The following C15orf40 variants were observed in gnomAD, a reference collection of about 807,000 sequenced individuals.
C15orf40 encodes the protein UPF0235 protein C15orf40.
In C15orf40, 9 loss-of-function variants were observed where a neutral mutation model predicts 13.9. That is an observed-to-expected ratio of 0.65 (90% CI 0.39 to 1.13). C15orf40 has a LOEUF of 1.13. Ranked by LOEUF, C15orf40 falls within the 50% of genes most tolerant of loss-of-function variation. The pLI is 0.01. For synonymous variants in C15orf40, 95 were observed against 69.2 expected (o/e 1.37, Z -1.85); for missense variants, 225 against 188.5 (o/e 1.19, Z -1.13).
chr15:82,990,690 G>T, downstream of C15orf40: 1 of 1,497,582 alleles, frequency 6.7e-7, no homozygotes, highest in South Asian at 1.2e-5. Context: ...GTCAGTTTGT[G>T]TCTTGATCTG....
rs1047528724 is a variant in C15orf40, at chr15:83,005,122, G to A, written c.*475C>T. 6 of 1,126,442 alleles carry A rather than the reference G, an allele frequency of 5.3e-6. No homozygotes were observed. In the Admixed American group the frequency reaches 1.7e-4, roughly 32 times the overall value. 69.8% of individuals were successfully genotyped at this position (1,126,442 alleles called of 1,614,324 possible). A position where few individuals can be genotyped will look rare whatever the true frequency, so the allele number is the denominator to read the frequency against. ...TTTGGGGTTTGGGATTTTAGAACCT[G>A]ATGCAATGTATAGCACTTTTTAAAT... On this transcript the variant is annotated 3_prime_UTR_variant, in exon 4 of 4. Coordinates refer to ENST00000304177, the MANE Select transcript of C15orf40 (RefSeq NM_144597.3).
At chr15:82,989,087 CAAG>C, downstream of C15orf40, 2 of 1,613,738 alleles carry the variant, frequency 1.2e-6, no homozygotes, top group Non-Finnish European at 1.7e-6. Flanking sequence ...CAGAAAATGA[CAAG>C]GAGTATCAGG....
In C15orf40 at chr15:83,004,999, C is replaced by T. The variant is rs1567092363; in HGVS notation, c.*598G>A. 1.6e-6 allele frequency: 2 copies of T among 1,263,670 alleles called. No homozygotes were observed. Among genetic ancestry groups the T allele is most frequent in the African/African-American group, 1.5e-5 (1 of 64,810 alleles). The allele number at this position is 1,263,670 out of a possible 1,614,324, so 78.3% of individuals were successfully genotyped here. On this transcript the variant is annotated 3_prime_UTR_variant, in exon 4 of 4. Coordinates refer to ENST00000304177, the MANE Select transcript of C15orf40 (RefSeq NM_144597.3). ...TGGATATAGGAAATCAAAGGCCCCC[C>T]AACAGAATGAAAGGTGTTAAATCAG...
chr15:83,007,631 T>G (rs1242423186), intron 3 of C15orf40, among the ~76,000 whole-genome samples: 1 of 152,104 alleles, frequency 6.6e-6, no homozygotes, highest in Non-Finnish European at 1.5e-5. Flanking sequence ...TGGTTCACGT[T>G]TGTAATCCCA....
At chr15:82,989,597 C>T (rs987273828), downstream of C15orf40, among the ~76,000 whole-genome samples, 27 of 152,032 alleles carry the variant, frequency 1.8e-4, no homozygotes, top group African/African-American at 6.0e-4. Flanking sequence ...ATTACCATAC[C>T]ATTTTTGTAC....
rs2151282333 is a variant in C15orf40 at position 83,002,039 on chromosome 15, C to G, written c.*3558G>C. 1 of 152,358 alleles carries G rather than the reference C, an allele frequency of 6.6e-6. No individual in the cohort carries two copies. The highest frequency in any genetic ancestry group is 2.1e-4 in the South Asian group (1 of 4,822). The allele number at this position is 152,358 out of a possible 1,614,324, so 9.4% of individuals were successfully genotyped here. A position where few individuals can be genotyped will look rare whatever the true frequency, so the allele number is the denominator to read the frequency against. ...TCTCCTGCTTCAGCCTCCCAAGTAG[C>G]TGAGATTACAGTCATGTACCACCAC... On this transcript the variant is annotated 3_prime_UTR_variant, in exon 4 of 4. Coordinates refer to ENST00000304177, the MANE Select transcript of C15orf40 (RefSeq NM_144597.3).
downstream of C15orf40, chr15:82,989,992 C>G (rs767086479): frequency 5.6e-6 from 9 of 1,600,972 alleles, no homozygotes; most frequent in Non-Finnish European, 7.7e-6. Flanking sequence ...ACCCGCAACA[C>G]AGACAAGAAC....
rs1387078230 is a variant in C15orf40 at position 82,999,457 on chromosome 15, A to T, written c.*6140T>A. 2 of 152,048 alleles carry T rather than the reference A, an allele frequency of 1.3e-5. No homozygotes were observed. Among genetic ancestry groups the T allele is most frequent in the African/African-American group, 2.4e-5 (1 of 41,362 alleles). 9.4% of individuals were successfully genotyped at this position (152,048 alleles called of 1,614,324 possible). On this transcript the variant is annotated 3_prime_UTR_variant, in exon 4 of 4. Coordinates refer to ENST00000304177, the MANE Select transcript of C15orf40 (RefSeq NM_144597.3). ...ACTATCCTCCTACCTCAGCTTCCCA[A>T]AGTGCTGGGATTACAAGCGTGAGCC...
At chr15:82,990,134 C>T (rs1478963978), downstream of C15orf40, 9 of 658,324 alleles carry the variant, frequency 1.4e-5, no homozygotes, top group Admixed American at 3.9e-4. Context: ...TGGGTGTCTT[C>T]TGTTGGTCAT....
intron 1 of C15orf40, 63 bp downstream of exon 1, chr15:83,011,434 C>A: frequency 6.6e-7 from 1 of 1,512,418 alleles, no homozygotes; most frequent in Non-Finnish European, 8.9e-7. Context: ...CCCGCTTCTC[C>A]CGCGCTCTTC....
chr15:82,996,799 A>G lies in C15orf40; in HGVS notation c.*8798T>C, dbSNP rs1451043592. On this transcript the variant is annotated 3_prime_UTR_variant, in exon 4 of 4. Coordinates refer to ENST00000304177, the MANE Select transcript of C15orf40 (RefSeq NM_144597.3). ...GGCGGATGGATCGCCTGAGGTCAGG[A>G]GTCTGAGACCAGCCTGGCCAACATG... 2.0e-5 allele frequency: 3 copies of G among 151,702 alleles called. No individual in the cohort carries two copies. The highest frequency in any genetic ancestry group is 2.9e-5 in the Non-Finnish European group (2 of 67,938). The allele number at this position is 151,702 out of a possible 1,614,324, so 9.4% of individuals were successfully genotyped here.
downstream of C15orf40, among the ~76,000 whole-genome samples, chr15:82,991,753 A>G (rs1490655817): frequency 6.6e-6 from 1 of 152,192 alleles, no homozygotes; most frequent in African/African-American, 2.4e-5. Flanking sequence ...CTAAGATGCA[A>G]ATACAATTTT....
At chr15:83,010,064 T>G (rs1159925033) in intron 2 of C15orf40, among the ~76,000 whole-genome samples, 173 bp downstream of exon 2, 1 of 152,224 alleles carries the variant, frequency 6.6e-6, no homozygotes, top group East Asian at 1.9e-4. Context: ...TAAAGATATA[T>G]TCACTTTAAG....
chr15:82,991,669 T>C (rs2030866325), downstream of C15orf40, among the ~76,000 whole-genome samples: 1 of 152,210 alleles, frequency 6.6e-6, no homozygotes, highest in Non-Finnish European at 1.5e-5. Flanking sequence ...CTCCCTTTTA[T>C]TCTCCCTTCC....
chr15:83,003,811 CGT>C lies in C15orf40; in HGVS notation c.*1784_*1785del, dbSNP rs1258766351. On this transcript the variant is annotated 3_prime_UTR_variant, in exon 4 of 4. Coordinates refer to ENST00000304177, the MANE Select transcript of C15orf40 (RefSeq NM_144597.3). ...CGCCGAGGCTGGAGTGCAGTGGCAC[CGT>C]GTGGGCTCACTGCAACTTCCGTCTC... The C allele has an allele frequency of 6.6e-6, 1 of 152,092 alleles. No homozygotes were observed. The highest frequency in any genetic ancestry group is 2.4e-5 in the African/African-American group (1 of 41,408). The allele number at this position is 152,092 out of a possible 1,614,324, so 9.4% of individuals were successfully genotyped here.
chr15:83,007,685 G>T (rs1322538694), intron 3 of C15orf40, among the ~76,000 whole-genome samples: 3 of 152,090 alleles, frequency 2.0e-5, no homozygotes, highest in Non-Finnish European at 2.9e-5. Context: ...GAGGTCAGGA[G>T]TTCAAGACCA....
Position 83,004,554 on chromosome 15 carries a change from CTTT to C in C15orf40, c.*1040_*1042del, listed in dbSNP as rs1057130143. On this transcript the variant is annotated 3_prime_UTR_variant, in exon 4 of 4. Coordinates refer to ENST00000304177, the MANE Select transcript of C15orf40 (RefSeq NM_144597.3). Reference sequence around the variant, plus strand: ...AAATAGCTTCCAAGTCCTCTTTCTTCTTTTAAGGATCTTTGGAGATTCATAAAA... The same window carrying C: ...AAATAGCTTCCAAGTCCTCTTTCTTCTAAGGATCTTTGGAGATTCATAAAA... The C allele has an allele frequency of 2.3e-6, 2 of 856,654 alleles. No individual in the cohort carries two copies. Among genetic ancestry groups the C allele is most frequent in the Non-Finnish European group, 2.8e-6 (2 of 712,962 alleles). The allele number at this position is 856,654 out of a possible 1,614,324, so 53.1% of individuals were successfully genotyped here. A position where few individuals can be genotyped will look rare whatever the true frequency, so the allele number is the denominator to read the frequency against.
rs1240920888 is a variant in C15orf40 at position 82,995,960 on chromosome 15, C to T, written c.*9637G>A. The T allele has an allele frequency of 6.6e-6, 1 of 152,266 alleles. No homozygotes were observed. The highest frequency in any genetic ancestry group is 2.4e-5 in the African/African-American group (1 of 41,446). The allele number at this position is 152,266 out of a possible 1,614,324, so 9.4% of individuals were successfully genotyped here. ...CTGCTTAGGTGCAAGAAGGACAAGTCGCATAATTTTCACCAGTGTCTTCAT... is the reference window on the plus strand; with the variant it reads ...CTGCTTAGGTGCAAGAAGGACAAGTTGCATAATTTTCACCAGTGTCTTCAT... On this transcript the variant is annotated 3_prime_UTR_variant, in exon 4 of 4. Transcript: ENST00000304177.
At position 83,005,762 on chromosome 15, in the gene C15orf40, C is replaced by T. The variant is rs1262813256; in HGVS notation, c.367-70G>A. Reference sequence around the variant, plus strand: ...TAATGCTATTAGAGATAGCAGACCTCCGTTGTATAATGGGCTCTCCTGATG... The same window carrying T: ...TAATGCTATTAGAGATAGCAGACCTTCGTTGTATAATGGGCTCTCCTGATG... On this transcript the variant is annotated intron_variant, in intron 3 of 3. Coordinates refer to ENST00000304177, the MANE Select transcript of C15orf40 (RefSeq NM_144597.3). 3 of 1,524,702 alleles carry T rather than the reference C, an allele frequency of 2.0e-6. No homozygotes were observed. In the African/African-American group the frequency reaches 4.2e-5, roughly 21 times the overall value. 94.4% of individuals were successfully genotyped at this position (1,524,702 alleles called of 1,614,324 possible).
Sources: gnomAD v4.1 joint callset for allele counts (sites outside exome capture counted in the v4.1 genomes callset) on GRCh38, gnomAD v4.1.1 for gene constraint, MANE v1.5 for transcripts, NCBI Gene and HGNC (gene_info 2026-07-23, HGNC 2026-07-21) for gene names.